NBAS: variants seen among roughly 807,000 people sequenced by gnomAD.
The protein encoded by NBAS is NAG/BC035112 fusion.
Under a neutral mutation model 302.5 loss-of-function variants are expected in NBAS, and 219 were observed. The ratio of observed to expected loss-of-function variants is 0.72; its 90% CI spans 0.65 to 0.81. NBAS has a LOEUF of 0.81. Among genes scored for constraint, NBAS ranks in the 30% least tolerant of loss-of-function variants. The pLI, the probability that NBAS is intolerant of heterozygous loss-of-function variation, is 0.00. For missense variants in NBAS, 2,932 were observed against 2,841.6 expected (o/e 1.03, Z -0.72); for synonymous variants, 1,118 against 1,021.6 (o/e 1.09, Z -1.80).
At chr2:15,095,458 G>A in the NBAS span, among the ~76,000 whole-genome samples, 136 of 152,222 alleles carry the variant, frequency 8.9e-4, 3 homozygotes, top group East Asian at 0.017. Context: ...TCACTACCAC[G>A]AGAACAGTAT....
intron 11 of NBAS, among the ~76,000 whole-genome samples, chr2:15,496,625 G>C (rs1382739953): frequency 6.6e-6 from 1 of 151,792 alleles, no homozygotes; most frequent in Non-Finnish European, 1.5e-5. Flanking sequence ...GAGAGGCAAG[G>C]AAAGAGGGAG....
At chr2:15,131,721 A>G in the NBAS span, among the ~76,000 whole-genome samples, 1 of 152,174 alleles carries the variant, frequency 6.6e-6, no homozygotes, top group Non-Finnish European at 1.5e-5. Context: ...GAGACTGGTA[A>G]TTTATAAAGA....
chr2:15,532,182 A>G (rs1016690548), intron 9 of NBAS, among the ~76,000 whole-genome samples: 2 of 152,176 alleles, frequency 1.3e-5, no homozygotes, highest in Non-Finnish European at 2.9e-5. Context: ...TATCAGCTAC[A>G]TAACCATAAT....
chr2:15,178,959 A>G (rs771887744), intron 51 of NBAS, 29 bp downstream of exon 51: 1 of 1,598,910 alleles, frequency 6.3e-7, no homozygotes, highest in South Asian at 1.1e-5. Flanking sequence ...AAAAAAAAAA[A>G]GAAAGAAAGT....
At chr2:15,390,704 G>A (rs1476203947) in intron 28 of NBAS, among the ~76,000 whole-genome samples, 1 of 152,112 alleles carries the variant, frequency 6.6e-6, no homozygotes, top group African/African-American at 2.4e-5. Context: ...ATCACTTGGT[G>A]TTGTATACTT....
intron 21 of NBAS, among the ~76,000 whole-genome samples, chr2:15,441,785 A>T (rs1678424939): frequency 1.3e-5 from 2 of 152,190 alleles, no homozygotes; most frequent in South Asian, 4.2e-4. Context: ...AGACAAACAT[A>T]GGCTCAAAAT....
intron 47 of NBAS, among the ~76,000 whole-genome samples, chr2:15,229,347 C>CAAAAAAAAAAAAAAAAAAAA: frequency 1.3e-5 from 1 of 76,870 alleles, no homozygotes; most frequent in Non-Finnish European, 2.7e-5. Context: ...TCTCAAAAAA[C>CAAAAAAAAAAAAAAAAAAAA]AAAAAAAAAA....
chr2:15,000,505 C>T, the NBAS span, among the ~76,000 whole-genome samples: 1 of 152,056 alleles, frequency 6.6e-6, no homozygotes, highest in Non-Finnish European at 1.5e-5. Flanking sequence ...GCACACTGAC[C>T]GAGAGTCTAG....
At chr2:14,874,633 C>G in the NBAS span, among the ~76,000 whole-genome samples, 1 of 147,990 alleles carries the variant, frequency 6.8e-6, no homozygotes, top group South Asian at 2.1e-4. Context: ...AAGCGAGACT[C>G]TGTCTCAAAA....
intron 48 of NBAS, among the ~76,000 whole-genome samples, chr2:15,197,164 T>C (rs900236633): frequency 3.9e-5 from 6 of 152,206 alleles, no homozygotes; most frequent in Non-Finnish European, 8.8e-5. Context: ...CTCAATGCTA[T>C]ATATAAGAGC....
the NBAS span, among the ~76,000 whole-genome samples, chr2:14,831,359 T>C: frequency 6.6e-6 from 1 of 152,114 alleles, no homozygotes; most frequent in Non-Finnish European, 1.5e-5. Context: ...GGGGATAAAA[T>C]AATATATTAA....
intron 35 of NBAS, among the ~76,000 whole-genome samples, chr2:15,343,595 CATT>C (rs936023399): frequency 4.1e-4 from 63 of 152,078 alleles, no homozygotes; most frequent in African/African-American, 1.3e-3. Context: ...ACAAAACAAA[CATT>C]ATTCTATTAA....
At chr2:15,484,303 ATGTAAGTAC>A in intron 12 of NBAS, among the ~76,000 whole-genome samples, 1 of 152,302 alleles carries the variant, frequency 6.6e-6, no homozygotes, top group East Asian at 1.9e-4. Flanking sequence ...ATACTTCTAA[ATGTAAGTAC>A]TGTAAGTAGA....
intron 51 of NBAS, among the ~76,000 whole-genome samples, chr2:15,171,954 A>G (rs1664315612): frequency 6.6e-6 from 1 of 152,168 alleles, no homozygotes; most frequent in African/African-American, 2.4e-5. Flanking sequence ...AGGAAAATAA[A>G]TTTCTCTTGT....
chr2:15,046,136 G>T, the NBAS span, among the ~76,000 whole-genome samples: 4 of 152,110 alleles, frequency 2.6e-5, no homozygotes, highest in Admixed American at 1.3e-4. Context: ...CTCTCCAATG[G>T]TTTCAAAAGC....
chr2:14,825,513 A>G, the NBAS span, among the ~76,000 whole-genome samples: 1 of 152,216 alleles, frequency 6.6e-6, no homozygotes, highest in Non-Finnish European at 1.5e-5. Flanking sequence ...CTAATCATCC[A>G]GAATACAAAT....
the NBAS span, among the ~76,000 whole-genome samples, chr2:15,013,905 A>C: frequency 1.5e-3 from 224 of 152,152 alleles, no homozygotes; most frequent in Non-Finnish European, 2.5e-3. Context: ...GCAGCACATC[A>C]CATCACCAGT....
chr2:15,225,745 C>G (rs1162314328), intron 47 of NBAS, among the ~76,000 whole-genome samples: 2 of 152,174 alleles, frequency 1.3e-5, no homozygotes, highest in African/African-American at 4.8e-5. Context: ...CAGAGGAATT[C>G]TGCATTAATT....
At chr2:15,458,383 C>T (rs146867992) in intron 21 of NBAS, among the ~76,000 whole-genome samples, 9 of 152,216 alleles carry the variant, frequency 5.9e-5, no homozygotes, top group East Asian at 1.9e-4. Flanking sequence ...GTGCTGGAGG[C>T]GGGGTTTGGG....
Sources: allele counts gnomAD v4.1 joint callset (sites outside exome capture counted in the v4.1 genomes callset), GRCh38; gene constraint gnomAD v4.1.1; transcripts MANE v1.5; gene names NCBI Gene and HGNC (gene_info 2026-07-23, HGNC 2026-07-21).